The following CARMIL1 variants were observed in gnomAD, a reference collection of about 807,000 sequenced individuals.
The protein encoded by CARMIL1 is capping protein regulator and myosin 1 linker 1, also known as F-actin-uncapping protein LRRC16A.
CARMIL1 carries 90 observed loss-of-function variants against 177.1 expected under a neutral mutation model. The ratio of observed to expected loss-of-function variants is 0.51; its 90% confidence interval spans 0.43 to 0.61. The LOEUF is 0.61. CARMIL1 is among the 20% of genes least tolerant of loss of function. The pLI is 0.00. For synonymous variants in CARMIL1, 577 were observed against 606.2 expected, an observed-to-expected ratio of 0.95 and a Z score of 0.71; for missense variants, 1,380 against 1,667.0, an observed-to-expected ratio of 0.83 and a Z score of 3.00.
intron 2 of CARMIL1, among the ~76,000 whole-genome samples, chr6:25,372,809 C>G (rs1461398147): frequency 2.6e-5 from 4 of 152,306 alleles, no homozygotes; most frequent in African/African-American, 9.6e-5. Flanking sequence ...AGTGGGCATC[C>G]TTGTCTTGTT....
At chr6:25,370,069 C>T (rs1411336800) in intron 2 of CARMIL1, 1 of 152,188 alleles carries the variant, frequency 6.6e-6, no homozygotes. Context: ...CTCCAGTGCT[C>T]TTCTAGCAAG....
intron 2 of CARMIL1, among the ~76,000 whole-genome samples, chr6:25,293,205 T>C (rs9358850): frequency 0.45 from 67,477 of 150,044 alleles, 16,086 homozygotes; most frequent in Non-Finnish European, 0.52. Context: ...TCCCTCTTGA[T>C]AGACCACTTT....
intron 8 of CARMIL1, among the ~76,000 whole-genome samples, chr6:25,464,258 C>G (rs1800400194): frequency 6.7e-6 from 1 of 149,452 alleles, no homozygotes; most frequent in African/African-American, 2.4e-5. Context: ...TTTTTTTTTT[C>G]TACTATCTGT....
intron 20 of CARMIL1, among the ~76,000 whole-genome samples, chr6:25,513,764 C>G (rs1000199058): frequency 6.6e-6 from 1 of 152,090 alleles, no homozygotes; most frequent in African/African-American, 2.4e-5. Context: ...CTCCAATCCC[C>G]CAAGCATTGT....
chr6:25,392,098 G>A (rs192533405), intron 2 of CARMIL1, among the ~76,000 whole-genome samples: 7,837 of 133,038 alleles, frequency 0.059, 280 homozygotes, highest in Non-Finnish European at 0.095. Context: ...GTGTGTGTGT[G>A]TATCACATGT....
Position 25,525,393 on chromosome 6 carries a change from T to G in CARMIL1, c.1969-3402T>G, listed in dbSNP as rs574765699. Among the ~76,000 whole-genome samples the G allele has an allele frequency of 5.9e-5, 9 of 152,214 alleles. No individual in the cohort carries two copies. In the East Asian group the frequency reaches 1.7e-3, roughly 29 times the overall value. On this transcript the variant is annotated intron_variant, in intron 23 of 36. Transcript: ENST00000329474. Reference sequence around the variant, plus strand: ...ATTCTATATCTAGGAAAATTATCCTTCAAAAGTAATGGAGAAATAAAGACT... The same window carrying G: ...ATTCTATATCTAGGAAAATTATCCTGCAAAAGTAATGGAGAAATAAAGACT...
At chr6:25,606,766 T>A (rs1816011781) in intron 35 of CARMIL1, among the ~76,000 whole-genome samples, 1 of 152,146 alleles carries the variant, frequency 6.6e-6, no homozygotes, top group African/African-American at 2.4e-5. Flanking sequence ...GTGAATAGTT[T>A]TAGTGGACAC....
chr6:25,521,205 G>A (rs1337369433), intron 23 of CARMIL1, among the ~76,000 whole-genome samples: 2 of 152,130 alleles, frequency 1.3e-5, no homozygotes, highest in African/African-American at 4.8e-5. Flanking sequence ...GGCAGGTTGG[G>A]TTTTATGCTT....
At chr6:25,598,994 G>A (rs1303283592) in intron 32 of CARMIL1, among the ~76,000 whole-genome samples, 1 of 152,340 alleles carries the variant, frequency 6.6e-6, no homozygotes, top group Non-Finnish European at 1.5e-5. Flanking sequence ...CACTGTGCAG[G>A]CTTTCTTGAG....
chr6:25,600,792 A>G, intron 33 of CARMIL1, 46 bp downstream of exon 33: 3 of 1,404,192 alleles, frequency 2.1e-6, no homozygotes, highest in Non-Finnish European at 2.8e-6. Context: ...TTGATATATA[A>G]TAGATGCACA....
At chr6:25,540,572 T>G (rs1808801632) in intron 26 of CARMIL1, among the ~76,000 whole-genome samples, 1 of 152,028 alleles carries the variant, frequency 6.6e-6, no homozygotes, top group South Asian at 2.1e-4. Context: ...GCCTATAGAT[T>G]CACTGAAAAA....
rs115442512 is a variant in CARMIL1, at chr6:25,319,997, G to A, written c.138+35088G>A. Among the ~76,000 whole-genome samples, 676 of 152,178 alleles carry A rather than the reference G, an allele frequency of 4.4e-3. 8 individuals carry two copies. The highest frequency in any genetic ancestry group is 0.015 in the African/African-American group (622 of 41,532). ...AAACTTACTTGCACATGTTATGTTCGGACATTAGTCAATGAAGATTAGTCA... is the reference window on the plus strand; with the variant it reads ...AAACTTACTTGCACATGTTATGTTCAGACATTAGTCAATGAAGATTAGTCA... On this transcript the variant is annotated intron_variant, in intron 2 of 36. Transcript: ENST00000329474.
chr6:25,530,084 A>G (rs1044188768), intron 24 of CARMIL1, among the ~76,000 whole-genome samples: 3 of 152,150 alleles, frequency 2.0e-5, no homozygotes, highest in Non-Finnish European at 2.9e-5. Context: ...AAACCATTTC[A>G]TATGAGTCTC....
intron 2 of CARMIL1, among the ~76,000 whole-genome samples, chr6:25,364,280 T>TTG (rs547444910): frequency 3.9e-5 from 6 of 152,082 alleles, no homozygotes; most frequent in Non-Finnish European, 7.4e-5. Context: ...CACATTCTTT[T>TTG]TGTGTGTGTG....
chr6:25,542,888 T>A (rs1479763797), intron 26 of CARMIL1, among the ~76,000 whole-genome samples: 1 of 152,136 alleles, frequency 6.6e-6, no homozygotes, highest in Non-Finnish European at 1.5e-5. Flanking sequence ...CAGTGTTCAG[T>A]TTTAAATTAA....
At chr6:25,356,105 C>A (rs866150258) in intron 2 of CARMIL1, among the ~76,000 whole-genome samples, 73 of 148,868 alleles carry the variant, frequency 4.9e-4, no homozygotes, top group African/African-American at 1.8e-3. Context: ...GGCCGGACTG[C>A]GGACTGCAGT....
chr6:25,383,134 A>G (rs911442621), intron 2 of CARMIL1, among the ~76,000 whole-genome samples: 4 of 152,132 alleles, frequency 2.6e-5, no homozygotes, highest in African/African-American at 9.7e-5. Context: ...GTACCTCAGG[A>G]GCCATGAGGA....
At position 25,279,421 on chromosome 6, in the gene CARMIL1, C is replaced by T; in HGVS notation, c.-375C>T. 1 of 349,246 alleles carries T rather than the reference C, an allele frequency of 2.9e-6. No individual in the cohort carries two copies. The highest frequency in any genetic ancestry group is 5.3e-6 in the Non-Finnish European group (1 of 188,834). 21.6% of individuals were successfully genotyped at this position (349,246 alleles called of 1,614,324 possible). Reference sequence around the variant, plus strand: ...TTCACCTAGGGCTGTAGGTGCGGCGCGGAGGCTGGGCGGGAGCTACGCCGG... The same window carrying T: ...TTCACCTAGGGCTGTAGGTGCGGCGTGGAGGCTGGGCGGGAGCTACGCCGG... On this transcript the variant is annotated 5_prime_UTR_variant, in exon 1 of 37. Transcript: ENST00000329474.
intron 2 of CARMIL1, among the ~76,000 whole-genome samples, chr6:25,392,749 G>A (rs1261137332): frequency 6.6e-6 from 1 of 152,072 alleles, no homozygotes; most frequent in Non-Finnish European, 1.5e-5. Context: ...AGTTTTCTTT[G>A]GTAAGAGGAA....
Sources: gnomAD v4.1 joint callset for allele counts (sites outside exome capture counted in the v4.1 genomes callset) on GRCh38, gnomAD v4.1.1 for gene constraint, MANE v1.5 for transcripts, NCBI Gene and HGNC (gene_info 2026-07-23, HGNC 2026-07-21) for gene names.